Variants in PEAK1 observed in about 807,000 individuals in gnomAD.
PEAK1 encodes the protein inactive tyrosine-protein kinase PEAK1.
In PEAK1, 54 loss-of-function variants were observed where a neutral mutation model predicts 124.7. That is an observed-to-expected ratio of 0.43 (90% CI 0.35 to 0.54). The LOEUF (loss-of-function observed/expected upper bound fraction) is 0.54. PEAK1 is among the 20% of genes least tolerant of loss of function. The pLI is 0.01. For missense variants in PEAK1, 2,046 were observed against 2,134.5 expected (o/e 0.96, Z 0.82); for synonymous variants, 719 against 760.0 (o/e 0.95, Z 0.89).
At chr15:77,130,785 TG>T (rs2052788539) in intron 9 of PEAK1, among the ~76,000 whole-genome samples, 1 of 152,250 alleles carries the variant, frequency 6.6e-6, no homozygotes, top group Non-Finnish European at 1.5e-5. Flanking sequence ...CTACACTCAC[TG>T]TAAACATCTG....
At chr15:77,239,385 G>T (rs2060260443) in intron 6 of PEAK1, among the ~76,000 whole-genome samples, 1 of 152,070 alleles carries the variant, frequency 6.6e-6, no homozygotes, top group African/African-American at 2.4e-5. Flanking sequence ...AAAACTGCAG[G>T]TTAGGGATCA....
chr15:77,370,718 A>C, intron 1 of PEAK1: 2 of 985,268 alleles, frequency 2.0e-6, no homozygotes, highest in Non-Finnish European at 2.4e-6. Context: ...GTCTTCAGAT[A>C]ACTTTTGTGA....
chr15:77,369,068 C>A (rs996607084), intron 1 of PEAK1, among the ~76,000 whole-genome samples: 1 of 152,030 alleles, frequency 6.6e-6, no homozygotes, highest in Non-Finnish European at 1.5e-5. Flanking sequence ...CAATAAAATA[C>A]AAATAAAATG....
intron 2 of PEAK1, among the ~76,000 whole-genome samples, chr15:77,340,435 ATGAG>A (rs1463246565): frequency 4.6e-5 from 7 of 152,220 alleles, no homozygotes; most frequent in African/African-American, 1.2e-4. Context: ...AACAGAAAAG[ATGAG>A]TAATTGCCAA....
At chr15:77,258,663 A>G (rs1176255379) in intron 5 of PEAK1, among the ~76,000 whole-genome samples, 1 of 152,182 alleles carries the variant, frequency 6.6e-6, no homozygotes, top group East Asian at 1.9e-4. Context: ...CAATCATGTC[A>G]TCTGCAAACA....
At chr15:77,234,943 T>C (rs948692770) in intron 6 of PEAK1, among the ~76,000 whole-genome samples, 6 of 152,152 alleles carry the variant, frequency 3.9e-5, no homozygotes, top group African/African-American at 1.2e-4. Context: ...ATTCTCATGA[T>C]AGTGACTGAG....
rs530172685 is a variant in PEAK1 at position 77,273,163 on chromosome 15, T to C, written c.-275+10720A>G. Among the ~76,000 whole-genome samples, 205 of 152,280 alleles carry C rather than the reference T, an allele frequency of 1.3e-3. 1 individual carries two copies. The highest frequency in any genetic ancestry group is 4.8e-3 in the African/African-American group (200 of 41,556). ...GACAAGCCCACAGCTAACACTATAC[T>C]GAATGGGGAAAAGTTGAAAGTATTC... is the stretch of plus-strand genomic sequence containing the variant. On this transcript the variant is annotated intron_variant, in intron 5 of 9. Transcript: ENST00000682557.
chr15:77,240,681 A>G (rs2060316668), intron 6 of PEAK1, among the ~76,000 whole-genome samples: 1 of 152,180 alleles, frequency 6.6e-6, no homozygotes, highest in South Asian at 2.1e-4. Flanking sequence ...TTATTGTAAA[A>G]GTAAATCTAC....
chr15:77,345,688 C>T (rs2066830900), intron 2 of PEAK1: 1 of 161,496 alleles, frequency 6.2e-6, no homozygotes, highest in Admixed American at 6.5e-5. Context: ...CAGTAGGGAA[C>T]TTAGAGTTAA....
At chr15:77,271,622 T>C (rs1379847212) in intron 5 of PEAK1, among the ~76,000 whole-genome samples, 2 of 152,168 alleles carry the variant, frequency 1.3e-5, no homozygotes, top group African/African-American at 4.8e-5. Flanking sequence ...TGAGTTCATG[T>C]CCTTTGTAGG....
At chr15:77,219,377 T>A (rs1355152669) in intron 6 of PEAK1, among the ~76,000 whole-genome samples, 1 of 151,850 alleles carries the variant, frequency 6.6e-6, no homozygotes, top group Non-Finnish European at 1.5e-5. Flanking sequence ...CATTGTTTAT[T>A]TAATAGTGAG....
rs1024927078 is a variant in PEAK1 at position 77,283,973 on chromosome 15, C to A, written c.-365G>T. The A allele has an allele frequency of 1.0e-6, 1 of 983,744 alleles. No homozygotes were observed. The highest frequency in any genetic ancestry group is 1.7e-5 in the African/African-American group (1 of 57,280). The allele number at this position is 983,744 out of a possible 1,614,324, so 60.9% of individuals were successfully genotyped here. On this transcript the variant is annotated 5_prime_UTR_variant, in exon 5 of 10. An upstream start codon of the reference 5' UTR is lost. Transcript: ENST00000682557. Reference sequence around the variant, plus strand: ...CTCCTTCTTGGATTTTTTCATAAATCATTGAATTCTCACTTTCTCACAAAA... The same window carrying A: ...CTCCTTCTTGGATTTTTTCATAAATAATTGAATTCTCACTTTCTCACAAAA...
intron 6 of PEAK1, among the ~76,000 whole-genome samples, chr15:77,195,735 G>C (rs2058069920): frequency 6.6e-6 from 1 of 152,154 alleles, no homozygotes; most frequent in African/African-American, 2.4e-5. Flanking sequence ...TTTTAAAAAT[G>C]AATAGTCTCA....
intron 1 of PEAK1, among the ~76,000 whole-genome samples, chr15:77,372,201 A>G (rs890120441): frequency 2.0e-5 from 3 of 152,228 alleles, no homozygotes; most frequent in Admixed American, 6.5e-5. Context: ...TCGATTTGCT[A>G]TATTTAGTAG....
chr15:77,128,063 A>G (rs967568857), intron 9 of PEAK1, among the ~76,000 whole-genome samples: 1 of 149,866 alleles, frequency 6.7e-6, no homozygotes, highest in Non-Finnish European at 1.5e-5. Context: ...TGGGTGACAG[A>G]GTGAGACTCC....
chr15:77,416,415 A>G (rs981106627), intron 1 of PEAK1, among the ~76,000 whole-genome samples: 8 of 151,868 alleles, frequency 5.3e-5, no homozygotes, highest in African/African-American at 1.9e-4. Context: ...CCTCTTCTAC[A>G]CTCTTCATCA....
intron 6 of PEAK1, among the ~76,000 whole-genome samples, chr15:77,197,467 TTAAA>T (rs1460273858): frequency 1.3e-5 from 2 of 152,350 alleles, no homozygotes; most frequent in African/African-American, 4.8e-5. Flanking sequence ...TATGCAATGA[TTAAA>T]TAATCTTTTG....
At chr15:77,420,705 T>C (rs561713443), upstream of PEAK1, 4 of 393,244 alleles carry the variant, frequency 1.0e-5, no homozygotes, top group South Asian at 1.4e-4. Flanking sequence ...CTTCGCCGCA[T>C]TGGGGCAAAA....
intron 6 of PEAK1, among the ~76,000 whole-genome samples, chr15:77,241,325 G>T (rs1245508480): frequency 1.3e-5 from 2 of 151,790 alleles, no homozygotes; most frequent in Non-Finnish European, 2.9e-5. Context: ...AAATAGAAGG[G>T]AACTTCAACA....
Sources: allele counts gnomAD v4.1 joint callset (sites outside exome capture counted in the v4.1 genomes callset), GRCh38; gene constraint gnomAD v4.1.1; transcripts MANE v1.5; gene names NCBI Gene and HGNC (gene_info 2026-07-23, HGNC 2026-07-21).